Variants in AUTS2 observed in about 807,000 individuals in gnomAD.
AUTS2 encodes autism susceptibility gene 2 protein.
AUTS2 carries 17 observed loss-of-function variants against 112.4 expected under a neutral mutation model. The ratio of observed to expected loss-of-function variants is 0.15; its 90% confidence interval spans 0.10 to 0.23. AUTS2 has a LOEUF of 0.23. Ranked by LOEUF, AUTS2 falls within the 10% of genes least tolerant of loss-of-function variation. The pLI is 1.00. For missense variants in AUTS2, 1,510 were observed against 1,701.6 expected (o/e 0.89, Z 1.98); for synonymous variants, 751 against 702.7 (o/e 1.07, Z -1.09).
chr7:70,571,290 T>G (rs1801927531), intron 5 of AUTS2, among the ~76,000 whole-genome samples: 1 of 152,164 alleles, frequency 6.6e-6, no homozygotes, highest in Non-Finnish European at 1.5e-5. Flanking sequence ...GTGAGGTAAG[T>G]GATATCTGCT....
intron 4 of AUTS2, among the ~76,000 whole-genome samples, chr7:70,208,420 A>G (rs976663122): frequency 6.6e-6 from 1 of 152,138 alleles, no homozygotes; most frequent in African/African-American, 2.4e-5. Context: ...TCAGCATTTT[A>G]GGGTTGCAGT....
rs570760891 is a variant in AUTS2, at chr7:70,517,725, A to G, written c.690+81944A>G. Among the ~76,000 whole-genome samples, 43 of 151,978 alleles carry G rather than the reference A, an allele frequency of 2.8e-4. 1 individual carries two copies. The highest frequency in any genetic ancestry group is 9.9e-4 in the African/African-American group (41 of 41,492). ...TAATATACACATACATAGTTTGCAT[A>G]TGTATACATATGAATACACACACAC... On this transcript the variant is annotated intron_variant, in intron 5 of 18. Coordinates refer to ENST00000342771, the MANE Select transcript of AUTS2 (RefSeq NM_015570.4).
chr7:70,308,239 G>A (rs1236302384), intron 4 of AUTS2, among the ~76,000 whole-genome samples: 2 of 152,210 alleles, frequency 1.3e-5, no homozygotes, highest in African/African-American at 2.4e-5. Context: ...AATTGTTGCA[G>A]TGAATCCTGT....
intron 4 of AUTS2, among the ~76,000 whole-genome samples, chr7:70,264,571 T>C (rs1383805119): frequency 6.6e-6 from 1 of 152,196 alleles, no homozygotes; most frequent in Non-Finnish European, 1.5e-5. Flanking sequence ...GCTGTTATTG[T>C]CCTTTTCACT....
intron 5 of AUTS2, among the ~76,000 whole-genome samples, chr7:70,622,927 A>G (rs540456943): frequency 1.3e-5 from 2 of 152,318 alleles, no homozygotes; most frequent in East Asian, 1.9e-4. Flanking sequence ...TCAGATCTTA[A>G]TCACAGGTGC....
chr7:69,815,332 A>G (rs886125585), intron 1 of AUTS2, among the ~76,000 whole-genome samples: 6 of 152,096 alleles, frequency 3.9e-5, no homozygotes, highest in African/African-American at 9.7e-5. Context: ...CTATATATCT[A>G]TATATCTATA....
chr7:70,741,147 G>T (rs4718991), intron 6 of AUTS2, among the ~76,000 whole-genome samples: 2 of 151,544 alleles, frequency 1.3e-5, no homozygotes, highest in Non-Finnish European at 2.9e-5. Context: ...GATGACTGTT[G>T]ATCTGTTCTT....
intron 1 of AUTS2, among the ~76,000 whole-genome samples, chr7:69,655,923 G>T (rs1795509215): frequency 2.0e-5 from 3 of 152,176 alleles, no homozygotes; most frequent in Admixed American, 1.3e-4. Context: ...AAGTTGTATG[G>T]GGCAGAGGAG....
chr7:70,091,482 T>C (rs948158437), intron 2 of AUTS2, among the ~76,000 whole-genome samples: 1 of 152,194 alleles, frequency 6.6e-6, no homozygotes. Flanking sequence ...TTTTTTTTAA[T>C]AGGTCATATA....
chr7:70,302,906 C>CTTT (rs61466921), intron 4 of AUTS2, among the ~76,000 whole-genome samples: 12 of 127,872 alleles, frequency 9.4e-5, no homozygotes, highest in African/African-American at 3.5e-4. Flanking sequence ...GAAAGATCTT[C>CTTT]TTTTTTTTTT....
chr7:70,375,570 C>T (rs1248730465), intron 4 of AUTS2, among the ~76,000 whole-genome samples: 1 of 152,142 alleles, frequency 6.6e-6, no homozygotes, highest in African/African-American at 2.4e-5. Flanking sequence ...AATATGTAAT[C>T]CACTTACAGT....
Position 69,720,039 on chromosome 7 carries a change from A to G in AUTS2, c.309+120077A>G, listed in dbSNP as rs79989764. 2.9e-3 allele frequency among the ~76,000 whole-genome samples: 442 copies of G among 152,366 alleles called. 5 individuals carry two copies. Among genetic ancestry groups the G allele is most frequent in the African/African-American group, 0.01 (428 of 41,598 alleles). ...CTGACATGCAAATTGATGATGAGAC[A>G]GTGTGAGCATAGAAGTAGTCCAAGA... On this transcript the variant is annotated intron_variant, in intron 1 of 18. Coordinates refer to ENST00000342771, the MANE Select transcript of AUTS2 (RefSeq NM_015570.4).
Position 69,943,181 on chromosome 7 carries a change from G to T in AUTS2, c.522+43683G>T, listed in dbSNP as rs114280681. Among the ~76,000 whole-genome samples the T allele has an allele frequency of 5.0e-3, 767 of 152,220 alleles. 8 individuals are homozygous for T. The highest frequency in any genetic ancestry group is 0.018 in the African/African-American group (737 of 41,544). ...TATAGATTAAGATATAAGGATGTTG[G>T]GGAAGTTTCCCTATCTGTTAACTGA... is the stretch of plus-strand genomic sequence containing the variant. On this transcript the variant is annotated intron_variant, in intron 2 of 18. Coordinates refer to ENST00000342771, the MANE Select transcript of AUTS2 (RefSeq NM_015570.4).
At chr7:70,705,204 G>A (rs1016381107) in intron 6 of AUTS2, among the ~76,000 whole-genome samples, 3 of 152,042 alleles carry the variant, frequency 2.0e-5, no homozygotes, top group East Asian at 1.9e-4. Flanking sequence ...ATACACTCTC[G>A]TCTGGAATTT....
rs550352430 is a variant in AUTS2, at chr7:70,743,745, T to C, written c.743-19125T>C. 7.9e-4 allele frequency among the ~76,000 whole-genome samples: 120 copies of C among 152,224 alleles called. 1 individual carries two copies. Among genetic ancestry groups the C allele is most frequent in the Non-Finnish European group, 5.6e-4 (38 of 68,010 alleles). ...GCTCTCTTTTCCAGTTGGTGGGTCT[T>C]ATTTTGTTTACATCTGCTTCCTCCC... On this transcript the variant is annotated intron_variant, in intron 6 of 18. Transcript: ENST00000342771.
chr7:70,365,900 A>C (rs1020152486), intron 4 of AUTS2, among the ~76,000 whole-genome samples: 8 of 152,188 alleles, frequency 5.3e-5, no homozygotes, highest in African/African-American at 1.9e-4. Context: ...TCCTTTACTT[A>C]CCATAAAAGC....
At position 70,097,846 on chromosome 7, in the gene AUTS2, G is replaced by A. The variant is rs948019627; in HGVS notation, c.523-20286G>A. Among the ~76,000 whole-genome samples the A allele has an allele frequency of 3.9e-5, 6 of 152,368 alleles. No homozygotes were observed. In the South Asian group the frequency reaches 1.2e-3, roughly 32 times the overall value. Reference sequence around the variant, plus strand: ...CATGCAATTATCAGGCTGCTCCCTTGTAGGATAAAGTGCGGCAGTCTAGAA... The same window carrying A: ...CATGCAATTATCAGGCTGCTCCCTTATAGGATAAAGTGCGGCAGTCTAGAA... On this transcript the variant is annotated intron_variant, in intron 2 of 18. Coordinates refer to ENST00000342771, the MANE Select transcript of AUTS2 (RefSeq NM_015570.4).
chr7:70,511,216 G>A (rs1003616081), intron 5 of AUTS2, among the ~76,000 whole-genome samples: 1 of 152,016 alleles, frequency 6.6e-6, no homozygotes, highest in African/African-American at 2.4e-5. Flanking sequence ...GAGTATAAAG[G>A]GGTCCTGAGG....
At chr7:70,435,382 A>G (rs1454517661) in intron 4 of AUTS2, among the ~76,000 whole-genome samples, 1 of 152,210 alleles carries the variant, frequency 6.6e-6, no homozygotes, top group Non-Finnish European at 1.5e-5. Flanking sequence ...ATTTCATTGA[A>G]CAATCTTGAT....
Sources: gnomAD v4.1 joint callset for allele counts (sites outside exome capture counted in the v4.1 genomes callset) on GRCh38, gnomAD v4.1.1 for gene constraint, MANE v1.5 for transcripts, NCBI Gene and HGNC (gene_info 2026-07-23, HGNC 2026-07-21) for gene names.